LRRC28: variants seen among roughly 807,000 people sequenced by gnomAD.
LRRC28 encodes the protein leucine rich repeat containing 28, also known as leucine-rich repeat-containing protein 28.
LRRC28 carries 39 observed loss-of-function variants against 45.7 expected under a neutral mutation model. The observed-to-expected ratio is 0.85, with a 90% CI of 0.66 to 1.12. The LOEUF (loss-of-function observed/expected upper bound fraction) is 1.12. LRRC28 is among the 50% of genes most tolerant of loss of function. The pLI is 0.00. For missense variants in LRRC28, 435 were observed against 438.5 expected, an observed-to-expected ratio of 0.99 and a Z score of 0.07; for synonymous variants, 206 against 178.8, an observed-to-expected ratio of 1.15 and a Z score of -1.22.
intron 9 of LRRC28, among the ~76,000 whole-genome samples, chr15:99,380,609 AT>A (rs1957789939): frequency 6.6e-6 from 1 of 152,116 alleles, no homozygotes; most frequent in Non-Finnish European, 1.5e-5. Flanking sequence ...TTGTTAGTTG[AT>A]GCAGTTTCTT....
chr15:99,347,932 C>T (rs981315965), intron 6 of LRRC28, among the ~76,000 whole-genome samples: 1 of 152,188 alleles, frequency 6.6e-6, no homozygotes, highest in Non-Finnish European at 1.5e-5. Context: ...ACACCCTCAG[C>T]AACATTTGTT....
At chr15:99,358,045 C>A (rs975186991) in intron 7 of LRRC28, among the ~76,000 whole-genome samples, 2 of 152,180 alleles carry the variant, frequency 1.3e-5, no homozygotes, top group East Asian at 3.9e-4. Context: ...TGCTTGAATA[C>A]CTAGAAAACT....
At position 99,282,177 on chromosome 15, in the gene LRRC28, G is replaced by GTTTTTTTTTTT. The variant is rs766338889; in HGVS notation, c.210-5076_210-5066dup. Among the ~76,000 whole-genome samples the GTTTTTTTTTTT allele has an allele frequency of 1.6e-3, 160 of 97,998 alleles. 10 individuals are homozygous for GTTTTTTTTTTT. Among genetic ancestry groups the GTTTTTTTTTTT allele is most frequent in the East Asian group, 1.9e-3 (7 of 3,650 alleles). The allele number at this position is 97,998 out of a possible 152,430, so 64.3% of individuals were successfully genotyped here. A position where few individuals can be genotyped will look rare whatever the true frequency, so the allele number is the denominator to read the frequency against. ...GGATTCCTTATGCAAATTTTTGGAGGTTTTTTTTTTTTTTGTAGCAGTAGC... is the reference window on the plus strand; with the variant it reads ...GGATTCCTTATGCAAATTTTTGGAGGTTTTTTTTTTTTTTTTTTTTTTTTTGTAGCAGTAGC... On this transcript the variant is annotated intron_variant, in intron 3 of 9. Coordinates refer to ENST00000301981, the MANE Select transcript of LRRC28 (RefSeq NM_144598.5).
At chr15:99,369,037 G>GCT (rs1464540986) in intron 9 of LRRC28, among the ~76,000 whole-genome samples, 1 of 152,126 alleles carries the variant, frequency 6.6e-6, no homozygotes, top group Non-Finnish European at 1.5e-5. Context: ...CAAGTCCTTT[G>GCT]CTACTTTATA....
chr15:99,304,898 T>C (rs1955125358), intron 5 of LRRC28, among the ~76,000 whole-genome samples: 1 of 152,250 alleles, frequency 6.6e-6, no homozygotes, highest in Non-Finnish European at 1.5e-5. Flanking sequence ...TTTTTATTTA[T>C]GTAAAAATAC....
chr15:99,267,603 G>C (rs1374486988), intron 2 of LRRC28, among the ~76,000 whole-genome samples: 1 of 152,174 alleles, frequency 6.6e-6, no homozygotes, highest in Non-Finnish European at 1.5e-5. Flanking sequence ...GTGGAAATAT[G>C]TGAGTATATC....
intron 2 of LRRC28, chr15:99,259,175 A>G (rs80214911): frequency 0.079 from 93,094 of 1,180,526 alleles, 4,018 homozygotes; most frequent in African/African-American, 0.13. Context: ...TCCAGCTGAC[A>G]TTACTAGCCT....
intron 5 of LRRC28, among the ~76,000 whole-genome samples, chr15:99,328,313 CAT>C (rs1956051434): frequency 6.6e-6 from 1 of 152,262 alleles, no homozygotes; most frequent in African/African-American, 2.4e-5. Flanking sequence ...GAACGCCTAA[CAT>C]ATAAAATTCT....
At chr15:99,257,663 C>T (rs12906713) in intron 2 of LRRC28, 39,960 of 734,508 alleles carry the variant, frequency 0.054, 1,510 homozygotes, top group Admixed American at 0.14. Flanking sequence ...GCCTCTGCTG[C>T]GTCCTGCTGA....
intron 2 of LRRC28, 58 bp from the exon 3 acceptor site, chr15:99,276,518 T>A (rs2081620478): frequency 7.3e-7 from 1 of 1,364,190 alleles, no homozygotes; most frequent in Non-Finnish European, 1.0e-6. Context: ...TTAAACAAAT[T>A]AGAAATGTTT....
At chr15:99,285,567 A>G in intron 3 of LRRC28, 1 of 844,664 alleles carries the variant, frequency 1.2e-6, no homozygotes, top group Non-Finnish European at 1.9e-6. Context: ...TAGGAGACTG[A>G]CTTAGACTTG....
rs147987832 is a variant in LRRC28, at chr15:99,276,741, C to T, written c.209+125C>T. The T allele has an allele frequency of 8.8e-4, 556 of 635,268 alleles. 5 individuals are homozygous for T. The African/African-American group carries it at 9.5e-3, about 11-fold the overall frequency. 39.4% of individuals were successfully genotyped at this position (635,268 alleles called of 1,614,324 possible). Reference sequence around the variant, plus strand: ...TTTTTGGTATCATGATCATGGTACTCATGTAGGTAGACCTGTGGTTCTACT... The same window carrying T: ...TTTTTGGTATCATGATCATGGTACTTATGTAGGTAGACCTGTGGTTCTACT... On this transcript the variant is annotated intron_variant, in intron 3 of 9. Transcript: ENST00000301981.
rs556341195 is a variant in LRRC28 at position 99,354,290 on chromosome 15, C to G, written c.695+1819C>G. Among the ~76,000 whole-genome samples, 18 of 152,300 alleles carry G rather than the reference C, an allele frequency of 1.2e-4. No homozygotes were observed. In the South Asian group the frequency reaches 3.5e-3, roughly 30 times the overall value. ...CAAAATTATACTTACAATAATACTT[C>G]TATGGCAAAATGTGCTCAGAATTTT... On this transcript the variant is annotated intron_variant, in intron 7 of 9. Coordinates refer to ENST00000301981, the MANE Select transcript of LRRC28 (RefSeq NM_144598.5).
chr15:99,348,222 G>C, intron 6 of LRRC28, among the ~76,000 whole-genome samples: 2 of 152,154 alleles, frequency 1.3e-5, no homozygotes, highest in Middle Eastern at 3.4e-3. Context: ...CCTGTCAGTA[G>C]GTTGCCTTTT....
At chr15:99,306,246 A>G (rs1228497451) in intron 5 of LRRC28, among the ~76,000 whole-genome samples, 1 of 152,342 alleles carries the variant, frequency 6.6e-6, no homozygotes, top group East Asian at 1.9e-4. Flanking sequence ...AAAACTGTGC[A>G]CGACTGGGCA....
rs533498880 is a variant in LRRC28, at chr15:99,285,208, A to C, written c.210-2049A>C. ...CACTTCAATTTTTCCATACTGTTCA[A>C]AATAATCTTAGGTAATGTTCTTCAG... On this transcript the variant is annotated intron_variant, in intron 3 of 9. Coordinates refer to ENST00000301981, the MANE Select transcript of LRRC28 (RefSeq NM_144598.5). 1.5e-4 allele frequency: 107 copies of C among 731,168 alleles called. 3 individuals carry two copies. The highest frequency in any genetic ancestry group is 1.3e-3 in the South Asian group (93 of 74,214). 45.3% of individuals were successfully genotyped at this position (731,168 alleles called of 1,614,324 possible).
chr15:99,276,544 A>G (rs2081621392), intron 2 of LRRC28, 32 bp from the exon 3 acceptor site: 3 of 1,537,854 alleles, frequency 2.0e-6, no homozygotes, highest in African/African-American at 2.8e-5. Flanking sequence ...TTTTTCAAAA[A>G]TAAAATTTAA....
At chr15:99,299,984 A>C (rs962475623) in intron 5 of LRRC28, among the ~76,000 whole-genome samples, 1 of 152,202 alleles carries the variant, frequency 6.6e-6, no homozygotes, top group African/African-American at 2.4e-5. Flanking sequence ...GGATCTGCTG[A>C]CATCTCTGCT....
At chr15:99,350,272 A>G (rs933991776) in intron 6 of LRRC28, among the ~76,000 whole-genome samples, 17 of 152,186 alleles carry the variant, frequency 1.1e-4, no homozygotes, top group African/African-American at 3.6e-4. Flanking sequence ...TCTCATACGT[A>G]GCTGGTAGGG....
Sources: gnomAD v4.1 joint callset for allele counts (sites outside exome capture counted in the v4.1 genomes callset) on GRCh38, gnomAD v4.1.1 for gene constraint, MANE v1.5 for transcripts, NCBI Gene and HGNC (gene_info 2026-07-23, HGNC 2026-07-21) for gene names.